The following ANK3 variants were observed in gnomAD, a reference collection of about 807,000 sequenced individuals.
The protein encoded by ANK3 is ankyrin-3.
In ANK3, 57 loss-of-function variants were observed where a neutral mutation model predicts 370.9. The observed-to-expected ratio is 0.15, with a 90% CI of 0.12 to 0.19. The LOEUF (loss-of-function observed/expected upper bound fraction) is 0.19, where lower values mean the gene tolerates loss of function less well. Among genes scored for constraint, ANK3 ranks in the 10% least tolerant of loss-of-function variants. The pLI, the probability that ANK3 is intolerant of heterozygous loss-of-function variation, is 1.00. For missense variants in ANK3, 4,439 were observed against 5,302.1 expected, an observed-to-expected ratio of 0.84 and a Z score of 5.06; for synonymous variants, 1,929 against 1,946.3, an observed-to-expected ratio of 0.99 and a Z score of 0.23.
intron 28 of ANK3, among the ~76,000 whole-genome samples, chr10:60,102,331 G>A (rs774836646): frequency 1.3e-5 from 2 of 151,986 alleles, no homozygotes; most frequent in Non-Finnish European, 2.9e-5. Flanking sequence ...ACTAAACACT[G>A]ATTGAGTGAT....
At chr10:60,257,327 G>A (rs1388799465) in intron 7 of ANK3, among the ~76,000 whole-genome samples, 4 of 152,064 alleles carry the variant, frequency 2.6e-5, no homozygotes, top group African/African-American at 9.7e-5. Context: ...ACTGATCTGT[G>A]CCATACATGC....
In ANK3 at chr10:60,330,709, G is replaced by A. The variant is rs1052528395; in HGVS notation, c.115-51070C>T. ...CAACCATTGTGGCAGACAGTGTGGCGATTCCTGAAGGATCTAGAACTAGAA... is the reference window on the plus strand; with the variant it reads ...CAACCATTGTGGCAGACAGTGTGGCAATTCCTGAAGGATCTAGAACTAGAA... On this transcript the variant is annotated intron_variant, in intron 1 of 43. Transcript: ENST00000280772. Among the ~76,000 whole-genome samples the A allele has an allele frequency of 3.9e-5, 6 of 152,290 alleles. No homozygotes were observed. The South Asian group carries it at 6.2e-4, about 16-fold the overall frequency.
intron 17 of ANK3, among the ~76,000 whole-genome samples, chr10:60,182,437 G>A (rs552994182): frequency 3.9e-5 from 6 of 152,142 alleles, no homozygotes; most frequent in South Asian, 4.1e-4. Flanking sequence ...ATTATACTCC[G>A]GTTTTAAAAA....
At chr10:60,405,801 T>C (rs562233686) in intron 2 of ANK3, among the ~76,000 whole-genome samples, 9 of 152,290 alleles carry the variant, frequency 5.9e-5, no homozygotes, top group African/African-American at 1.9e-4. Context: ...ATATAGGTAA[T>C]AAAACAAATA....
intron 25 of ANK3, among the ~76,000 whole-genome samples, chr10:60,116,464 A>C (rs1188217717): frequency 6.6e-6 from 1 of 152,182 alleles, no homozygotes; most frequent in Non-Finnish European, 1.5e-5. Context: ...AAACAAAACA[A>C]ACAAGCAAAC....
intron 2 of ANK3, among the ~76,000 whole-genome samples, chr10:60,409,336 G>T (rs939223608): frequency 2.6e-5 from 4 of 152,098 alleles, no homozygotes; most frequent in African/African-American, 9.7e-5. Flanking sequence ...AATTGGAATT[G>T]GTCTCCATTC....
At chr10:60,646,860 G>A (rs2078716355) in intron 1 of ANK3, among the ~76,000 whole-genome samples, 1 of 152,058 alleles carries the variant, frequency 6.6e-6, no homozygotes, top group Admixed American at 6.6e-5. Flanking sequence ...TGTGTCCCTG[G>A]GATTTAGCAA....
At chr10:60,464,493 A>T (rs1396844500) in intron 2 of ANK3, among the ~76,000 whole-genome samples, 1 of 136,392 alleles carries the variant, frequency 7.3e-6, no homozygotes, top group Non-Finnish European at 1.7e-5. Context: ...GGCTGTCTCT[A>T]TAAGAACACT....
At chr10:60,198,248 T>C in intron 14 of ANK3, 92 bp downstream of exon 14, 4 of 1,266,012 alleles carry the variant, frequency 3.2e-6, no homozygotes, top group Non-Finnish European at 4.5e-6. Flanking sequence ...ATAGATGCTG[T>C]TGTGCAGCTT....
rs5785438 is a variant in ANK3 at position 60,331,571 on chromosome 10, TAA to T, written c.115-51934_115-51933del. On this transcript the variant is annotated intron_variant, in intron 1 of 43. Transcript: ENST00000280772. ...CCCTGTGAAGTTAAAACAGCCTAATTAAAAAAAAAAAAAAAACAAAAAGACTC... is the reference window on the plus strand; with the variant it reads ...CCCTGTGAAGTTAAAACAGCCTAATTAAAAAAAAAAAAAACAAAAAGACTC... Among the ~76,000 whole-genome samples, 1,064 of 137,048 alleles carry T rather than the reference TAA, an allele frequency of 7.8e-3. 11 individuals carry two copies. Among genetic ancestry groups the T allele is most frequent in the African/African-American group, 0.024 (908 of 37,832 alleles). 89.9% of individuals were successfully genotyped at this position (137,048 alleles called of 152,430 possible). A position where few individuals can be genotyped will look rare whatever the true frequency, so the allele number is the denominator to read the frequency against.
chr10:60,581,910 G>C (rs534351395), intron 2 of ANK3, among the ~76,000 whole-genome samples: 1 of 152,156 alleles, frequency 6.6e-6, no homozygotes, highest in Admixed American at 6.5e-5. Flanking sequence ...AGAAAATGTG[G>C]CACATATACA....
rs1588958902 is a variant in ANK3 at position 60,029,115 on chromosome 10, AT to A, written c.*730del. The stretch of plus-strand genomic sequence containing the variant: ...TTTAAATTTGCAGCAGATTTTAAAG[AT>A]TTGTTTTTTTTTAAAATCAAGCTAG... On this transcript the variant is annotated 3_prime_UTR_variant, in exon 44 of 44. Transcript: ENST00000280772. 3.3e-5 allele frequency: 5 copies of A among 152,660 alleles called. No individual in the cohort carries two copies. In the East Asian group the frequency reaches 9.7e-4, roughly 29 times the overall value. 9.5% of individuals were successfully genotyped at this position (152,660 alleles called of 1,614,324 possible).
chr10:60,039,360 T>TG (rs201544405), intron 43 of ANK3, among the ~76,000 whole-genome samples: 2,236 of 152,288 alleles, frequency 0.015, 65 homozygotes, highest in African/African-American at 0.05. Flanking sequence ...ACCTTTTATC[T>TG]GGGGATCTTC....
chr10:60,595,450 A>T (rs2077974690), intron 2 of ANK3, among the ~76,000 whole-genome samples: 1 of 152,288 alleles, frequency 6.6e-6, no homozygotes, highest in South Asian at 2.1e-4. Flanking sequence ...TTGGGGCCAC[A>T]AGACAAGATG....
chr10:60,255,793 A>AGC, intron 7 of ANK3, among the ~76,000 whole-genome samples: 1 of 152,202 alleles, frequency 6.6e-6, no homozygotes, highest in Non-Finnish European at 1.5e-5. Flanking sequence ...TGCTCTTGAG[A>AGC]ATAAAAAAAA....
intron 5 of ANK3, 74 bp from the exon 6 acceptor site, chr10:60,264,094 G>T: frequency 7.9e-7 from 1 of 1,269,312 alleles, no homozygotes; most frequent in African/African-American, 1.5e-5. Context: ...AAATAAGAAG[G>T]CAACCAAGTG....
chr10:60,234,882 T>C, intron 7 of ANK3, 96 bp from the exon 8 acceptor site: 1 of 738,996 alleles, frequency 1.4e-6, no homozygotes, highest in South Asian at 1.5e-5. Context: ...TTTCCCCCTC[T>C]CCTTTTCTAA....
chr10:60,404,436 T>C (rs563847421), intron 2 of ANK3, among the ~76,000 whole-genome samples: 1 of 152,316 alleles, frequency 6.6e-6, no homozygotes, highest in Non-Finnish European at 1.5e-5. Flanking sequence ...CTTACACTTA[T>C]ATCATTGATT....
At chr10:60,376,091 G>A (rs531461784) in intron 1 of ANK3, among the ~76,000 whole-genome samples, 1 of 152,294 alleles carries the variant, frequency 6.6e-6, no homozygotes, top group East Asian at 1.9e-4. Context: ...ACTCCACAGA[G>A]AAGTAGTAGT....
Sources: allele counts gnomAD v4.1 joint callset (sites outside exome capture counted in the v4.1 genomes callset), GRCh38; gene constraint gnomAD v4.1.1; transcripts MANE v1.5; gene names NCBI Gene and HGNC (gene_info 2026-07-23, HGNC 2026-07-21).